Variants in TDRD1 observed in about 807,000 individuals in gnomAD.
TDRD1 encodes tudor domain-containing protein 1.
A neutral mutation model predicts 140.6 loss-of-function variants in TDRD1; 37 were observed. The ratio of observed to expected loss-of-function variants is 0.26; its 90% CI spans 0.20 to 0.35. The LOEUF (loss-of-function observed/expected upper bound fraction) is 0.35. Ranked by LOEUF, TDRD1 falls within the 10% of genes least tolerant of loss-of-function variation. TDRD1 has a pLI of 1.00. For missense variants in TDRD1, 1,243 were observed against 1,393.0 expected (o/e 0.89, Z 1.71); for synonymous variants, 506 against 475.7 (o/e 1.06, Z -0.83).
intron 9 of TDRD1, 32 bp from the exon 10 acceptor site, chr10:114,204,689 AT>A: frequency 6.4e-7 from 1 of 1,567,142 alleles, no homozygotes; most frequent in Non-Finnish European, 8.6e-7. Flanking sequence ...TTAAATGGTA[AT>A]TTTTGTAAGT....
At chr10:114,228,727 G>A in intron 25 of TDRD1, 3 of 985,350 alleles carry the variant, frequency 3.0e-6, no homozygotes, top group Non-Finnish European at 3.6e-6. Context: ...TATTTTAAAT[G>A]TCTGGGATCC....
chr10:114,208,404 A>G (rs1476156090), intron 11 of TDRD1, among the ~76,000 whole-genome samples: 1 of 152,208 alleles, frequency 6.6e-6, no homozygotes, highest in African/African-American at 2.4e-5. Context: ...CCACCTTCTT[A>G]AAAATTTAGC....
intron 3 of TDRD1, among the ~76,000 whole-genome samples, chr10:114,198,197 G>A (rs2034497290): frequency 6.6e-6 from 1 of 152,172 alleles, no homozygotes; most frequent in Non-Finnish European, 1.5e-5. Context: ...CTGGTCTCTA[G>A]TGACACGGGT....
At chr10:114,184,433 C>T (rs1224458211) in intron 1 of TDRD1, among the ~76,000 whole-genome samples, 1 of 152,158 alleles carries the variant, frequency 6.6e-6, no homozygotes, top group Non-Finnish European at 1.5e-5. Flanking sequence ...CTTATTACTC[C>T]CTAATTACAA....
exon 2 of TDRD1, chr10:114,188,022 A>G (rs769731078): frequency 1.4e-5 from 23 of 1,614,130 alleles, no homozygotes; most frequent in Non-Finnish European, 1.9e-5. Context: ...GGAAATAAAA[A>G]GAACAATTTT....
At chr10:114,187,135 C>T (rs2033601048) in intron 1 of TDRD1, among the ~76,000 whole-genome samples, 1 of 152,158 alleles carries the variant, frequency 6.6e-6, no homozygotes, top group Admixed American at 6.5e-5. Context: ...CACTTTGTGA[C>T]AAATTAAACT....
chr10:114,228,881 C>G (rs1053141646), intron 25 of TDRD1: 2 of 624,472 alleles, frequency 3.2e-6, no homozygotes, highest in South Asian at 1.4e-4. Flanking sequence ...CCCAGGCGTT[C>G]GAAGTCAGCC....
intron 16 of TDRD1, among the ~76,000 whole-genome samples, chr10:114,216,911 T>A (rs779927755): frequency 5.9e-5 from 9 of 152,250 alleles, no homozygotes; most frequent in Non-Finnish European, 1.3e-4. Flanking sequence ...TACTAAGTGG[T>A]TTAGATCCCT....
intron 4 of TDRD1, among the ~76,000 whole-genome samples, chr10:114,200,362 T>C (rs146035660): frequency 5.1e-4 from 76 of 149,326 alleles, no homozygotes; most frequent in African/African-American, 1.8e-3. Context: ...GGTGGTTACT[T>C]CTTTGTGGGT....
intron 1 of TDRD1, among the ~76,000 whole-genome samples, chr10:114,183,515 T>A (rs1479914346): frequency 6.6e-6 from 1 of 152,160 alleles, no homozygotes; most frequent in East Asian, 1.9e-4. Context: ...TATAATGTAA[T>A]ATGTTTCATT....
At chr10:114,229,950 C>T (rs2036664119) in intron 25 of TDRD1, among the ~76,000 whole-genome samples, 1 of 152,036 alleles carries the variant, frequency 6.6e-6, no homozygotes, top group Non-Finnish European at 1.5e-5. Context: ...CCTGCCTCAG[C>T]TTCCCAAGTA....
intron 3 of TDRD1, among the ~76,000 whole-genome samples, chr10:114,195,793 C>T (rs2034301649): frequency 6.6e-6 from 1 of 152,140 alleles, no homozygotes; most frequent in Non-Finnish European, 1.5e-5. Flanking sequence ...GTAATTAATA[C>T]TTGAGTTTAT....
At chr10:114,213,233 T>C in intron 14 of TDRD1, 113 bp from the exon 15 acceptor site, 1 of 946,392 alleles carries the variant, frequency 1.1e-6, no homozygotes, top group Non-Finnish European at 1.6e-6. Flanking sequence ...AGTGACACGT[T>C]TCCGTTCCAG....
At chr10:114,187,092 C>T (rs758932502) in intron 1 of TDRD1, among the ~76,000 whole-genome samples, 3 of 152,202 alleles carry the variant, frequency 2.0e-5, no homozygotes, top group Non-Finnish European at 2.9e-5. Context: ...AAAAACAAGC[C>T]ACCATCTTTT....
chr10:114,217,445 G>A lies in TDRD1; in HGVS notation c.2213-100G>A, dbSNP rs116032662. The A allele has an allele frequency of 5.3e-3, 3,286 of 618,204 alleles. 79 individuals are homozygous for A. The African/African-American group carries it at 0.056, about 10-fold the overall frequency. 38.3% of individuals were successfully genotyped at this position (618,204 alleles called of 1,614,324 possible). A position where few individuals can be genotyped will look rare whatever the true frequency, so the allele number is the denominator to read the frequency against. ...TTAATAGTAGTTTAGGGAGGTACCT[G>A]TCTTGATCATAAAAATCACGTTTTC... On this transcript the variant is annotated intron_variant, in intron 16 of 25. Transcript: ENST00000251864.
At chr10:114,220,029 T>C (rs1357901608) in intron 18 of TDRD1, among the ~76,000 whole-genome samples, 1 of 152,208 alleles carries the variant, frequency 6.6e-6, no homozygotes, top group Non-Finnish European at 1.5e-5. Context: ...CTACCAAAAT[T>C]AGAAACTCTG....
upstream of TDRD1, among the ~76,000 whole-genome samples, chr10:114,177,999 A>AT (rs917641439): frequency 5.2e-4 from 78 of 150,126 alleles, no homozygotes; most frequent in Non-Finnish European, 2.5e-4. Context: ...CACCCAGCTA[A>AT]TTTTTTTTTA....
At chr10:114,221,194 A>G (rs2036122988) in intron 19 of TDRD1, among the ~76,000 whole-genome samples, 163 bp from the exon 20 acceptor site, 1 of 152,190 alleles carries the variant, frequency 6.6e-6, no homozygotes. Context: ...AATCCCTCAA[A>G]TAGAATAGAT....
chr10:114,232,066 A>T (rs955774100), exon 26 of TDRD1: 4 of 151,394 alleles, frequency 2.6e-5, no homozygotes, highest in Admixed American at 1.3e-4. Flanking sequence ...CATGTTTGTT[A>T]TCTTCTTTTT....
Sources: allele counts gnomAD v4.1 joint callset (sites outside exome capture counted in the v4.1 genomes callset), GRCh38; gene constraint gnomAD v4.1.1; transcripts MANE v1.5; gene names NCBI Gene and HGNC (gene_info 2026-07-23, HGNC 2026-07-21).